The following PEX5L variants were observed in gnomAD, a reference collection of about 807,000 sequenced individuals.
PEX5L encodes PEX5-related protein.
In PEX5L, 30 loss-of-function variants were observed where a neutral mutation model predicts 84.0. The observed-to-expected ratio is 0.36, with a 90% CI of 0.27 to 0.48. The LOEUF (loss-of-function observed/expected upper bound fraction) is 0.48. PEX5L is among the 20% of genes least tolerant of loss of function. The pLI, the probability that PEX5L is intolerant of heterozygous loss-of-function variation, is 0.99. For synonymous variants in PEX5L, 270 were observed against 283.1 expected (o/e 0.95, Z 0.46); for missense variants, 533 against 754.6 (o/e 0.71, Z 3.44).
chr3:180,005,584 C>G (rs1334214554), intron 1 of PEX5L, among the ~76,000 whole-genome samples: 1 of 152,142 alleles, frequency 6.6e-6, no homozygotes, highest in Non-Finnish European at 1.5e-5. Context: ...AAAAAATTGG[C>G]CAGGCATGGT....
At chr3:179,854,362 A>ATT (rs1422673467) in intron 8 of PEX5L, among the ~76,000 whole-genome samples, 8 of 152,196 alleles carry the variant, frequency 5.3e-5, no homozygotes, top group African/African-American at 1.7e-4. Context: ...CTTCAGCCAA[A>ATT]AACTTAGTCG....
chr3:179,970,823 ATT>A (rs1784531358), intron 2 of PEX5L, among the ~76,000 whole-genome samples: 1 of 152,068 alleles, frequency 6.6e-6, no homozygotes, highest in African/African-American at 2.4e-5. Flanking sequence ...TCTTTGAATT[ATT>A]TCTCTCTCTA....
intron 8 of PEX5L, among the ~76,000 whole-genome samples, chr3:179,841,100 A>G (rs1737091588): frequency 6.6e-6 from 1 of 152,148 alleles, no homozygotes; most frequent in South Asian, 2.1e-4. Flanking sequence ...GTGAGGTGGG[A>G]GAAAAACGAG....
intron 1 of PEX5L, among the ~76,000 whole-genome samples, chr3:179,990,588 A>T (rs1787290196): frequency 6.6e-6 from 1 of 152,104 alleles, no homozygotes; most frequent in Admixed American, 6.6e-5. Flanking sequence ...TATTTTGTAG[A>T]GATAAGGTCT....
chr3:179,903,924 C>G (rs1207447114), intron 2 of PEX5L, among the ~76,000 whole-genome samples: 2 of 152,156 alleles, frequency 1.3e-5, no homozygotes, highest in Non-Finnish European at 2.9e-5. Flanking sequence ...TCTAAACATT[C>G]TGAAAGAAGC....
At chr3:180,029,944 G>A (rs996775979) in intron 1 of PEX5L, among the ~76,000 whole-genome samples, 1 of 152,162 alleles carries the variant, frequency 6.6e-6, no homozygotes, top group African/African-American at 2.4e-5. Context: ...GGGGTGCTTT[G>A]CAGCTCTAGC....
At position 179,841,001 on chromosome 3, in the gene PEX5L, A is replaced by G. The variant is rs73058649; in HGVS notation, c.822+18061T>C. 6.7e-3 allele frequency among the ~76,000 whole-genome samples: 1,023 copies of G among 152,334 alleles called. 14 individuals are homozygous for G. Among genetic ancestry groups the G allele is most frequent in the African/African-American group, 0.023 (967 of 41,572 alleles). On this transcript the variant is annotated intron_variant, in intron 8 of 14. Transcript: ENST00000467460. ...AGCCATCAGGATATTTAAATCTATG[A>G]GACTGAAAGAGATAGCTAAGAAGAA...
chr3:179,942,500 C>G (rs1186397347), intron 2 of PEX5L, among the ~76,000 whole-genome samples: 2 of 152,242 alleles, frequency 1.3e-5, no homozygotes, highest in Admixed American at 6.5e-5. Context: ...TTCTGCAGGG[C>G]AGTGGCACCG....
At chr3:179,951,773 A>C (rs2109969755) in intron 2 of PEX5L, among the ~76,000 whole-genome samples, 1 of 152,302 alleles carries the variant, frequency 6.6e-6, no homozygotes, top group East Asian at 1.9e-4. Context: ...AAGTACATAG[A>C]GTGTATACTC....
chr3:180,026,459 A>T (rs1183756137), intron 1 of PEX5L, among the ~76,000 whole-genome samples: 1 of 152,234 alleles, frequency 6.6e-6, no homozygotes, highest in Non-Finnish European at 1.5e-5. Flanking sequence ...AATATTTCAC[A>T]GTAAATTCCC....
At chr3:179,862,490 A>AGCC (rs1391348544) in intron 7 of PEX5L, among the ~76,000 whole-genome samples, 1 of 152,204 alleles carries the variant, frequency 6.6e-6, no homozygotes, top group Non-Finnish European at 1.5e-5. Context: ...GTAGAAAGTT[A>AGCC]GCCGATCTTG....
chr3:179,873,348 C>T lies in PEX5L; in HGVS notation c.726+979G>A, dbSNP rs149108496. ...ATAGTATATTTCCTCTTGGTTTCAA[C>T]ATCTAGTAAGCTCAGGAAAATTTCT... is the stretch of plus-strand genomic sequence containing the variant. On this transcript the variant is annotated intron_variant, in intron 7 of 14. Coordinates refer to ENST00000467460, the MANE Select transcript of PEX5L (RefSeq NM_016559.3). 1.4e-3 allele frequency among the ~76,000 whole-genome samples: 219 copies of T among 152,230 alleles called. 2 individuals are homozygous for T. The highest frequency in any genetic ancestry group is 4.9e-3 in the African/African-American group (205 of 41,540).
At chr3:179,840,120 C>G (rs1162434171) in intron 8 of PEX5L, among the ~76,000 whole-genome samples, 12 of 138,794 alleles carry the variant, frequency 8.6e-5, no homozygotes. Flanking sequence ...AATTTTGCAT[C>G]TTGTTTTATT....
intron 1 of PEX5L, among the ~76,000 whole-genome samples, chr3:179,995,626 C>CA (rs1285869897): frequency 6.6e-6 from 1 of 152,108 alleles, no homozygotes; most frequent in Non-Finnish European, 1.5e-5. Context: ...GTTCAGTAGA[C>CA]AAAGTGATGA....
chr3:179,860,471 C>T (rs1349220882), intron 7 of PEX5L, among the ~76,000 whole-genome samples: 1 of 152,138 alleles, frequency 6.6e-6, no homozygotes, highest in African/African-American at 2.4e-5. Context: ...CCACCCCAAC[C>T]AATTAAATAA....
chr3:179,859,029 G>T, intron 8 of PEX5L, 33 bp downstream of exon 8: 2 of 1,425,048 alleles, frequency 1.4e-6, no homozygotes, highest in Non-Finnish European at 2.0e-6. Context: ...TCAGGAGCAT[G>T]AAACAGAAAA....
At chr3:179,954,313 C>T (rs1385397557) in intron 2 of PEX5L, among the ~76,000 whole-genome samples, 1 of 152,050 alleles carries the variant, frequency 6.6e-6, no homozygotes, top group Admixed American at 6.5e-5. Context: ...AATGTATCTT[C>T]AGGCCAATTA....
At chr3:179,809,220 G>A (rs959491508) in intron 12 of PEX5L, among the ~76,000 whole-genome samples, 1 of 151,882 alleles carries the variant, frequency 6.6e-6, no homozygotes, top group Non-Finnish European at 1.5e-5. Context: ...TGTGTCCAAA[G>A]CATTTGACTT....
chr3:179,988,138 G>A (rs775421264), intron 1 of PEX5L, among the ~76,000 whole-genome samples: 2 of 152,068 alleles, frequency 1.3e-5, no homozygotes, highest in Non-Finnish European at 2.9e-5. Context: ...GGTGGCTCAC[G>A]CCTGTAATCC....
Sources: allele counts gnomAD v4.1 joint callset (sites outside exome capture counted in the v4.1 genomes callset), GRCh38; gene constraint gnomAD v4.1.1; transcripts MANE v1.5; gene names NCBI Gene and HGNC (gene_info 2026-07-23, HGNC 2026-07-21).